Variants in DNAJA3 observed in about 807,000 individuals in gnomAD.
The protein encoded by DNAJA3 is DnaJ heat shock protein family (Hsp40) member A3.
A neutral mutation model predicts 54.9 loss-of-function variants in DNAJA3; 29 were observed. The observed-to-expected ratio is 0.53, with a 90% CI of 0.39 to 0.72. DNAJA3 has a LOEUF of 0.72. Ranked by LOEUF, DNAJA3 falls within the 30% of genes least tolerant of loss-of-function variation. DNAJA3 has a pLI of 0.00. For missense variants in DNAJA3, 708 were observed against 639.4 expected, an observed-to-expected ratio of 1.11 and a Z score of -1.16; for synonymous variants, 302 against 251.4, an observed-to-expected ratio of 1.20 and a Z score of -1.90.
chr16:4,440,531 C>CAGTG (rs2056825598), intron 3 of DNAJA3: 1 of 150,342 alleles, frequency 6.7e-6, no homozygotes, highest in African/African-American at 2.5e-5. Context: ...GCAGAGGTTG[C>CAGTG]AGTGAGCCGA....
chr16:4,433,018 C>A (rs1228415392), intron 1 of DNAJA3, among the ~76,000 whole-genome samples: 2 of 147,930 alleles, frequency 1.4e-5, no homozygotes, highest in Middle Eastern at 3.9e-3. Flanking sequence ...GGCAGGCGCC[C>A]GTAGTCCCAG....
intron 1 of DNAJA3, among the ~76,000 whole-genome samples, chr16:4,431,426 C>G (rs1011536756): frequency 6.6e-6 from 1 of 152,298 alleles, no homozygotes; most frequent in East Asian, 1.9e-4. Flanking sequence ...GGATTTATTT[C>G]CTATTTCTAA....
At position 4,441,264 on chromosome 16, in the gene DNAJA3, C is replaced by T. The variant is rs535046017; in HGVS notation, c.430-111C>T. ...CCCAACCTCATAGGATGTGTTTGCACACAGGGCCACTTAATAAATGTTATG... is the reference window on the plus strand; with the variant it reads ...CCCAACCTCATAGGATGTGTTTGCATACAGGGCCACTTAATAAATGTTATG... On this transcript the variant is annotated intron_variant, in intron 3 of 11. Transcript: ENST00000262375. 8.6e-5 allele frequency: 87 copies of T among 1,017,136 alleles called. No homozygotes were observed. The African/African-American group carries it at 1.4e-3, about 16-fold the overall frequency. 63.0% of individuals were successfully genotyped at this position (1,017,136 alleles called of 1,614,324 possible). A position where few individuals can be genotyped will look rare whatever the true frequency, so the allele number is the denominator to read the frequency against.
intron 4 of DNAJA3, 76 bp from the exon 5 acceptor site, chr16:4,442,192 C>T (rs1174901883): frequency 5.5e-6 from 8 of 1,462,972 alleles, no homozygotes; most frequent in Admixed American, 2.2e-5. Flanking sequence ...CCAGTACCCT[C>T]CTTTCCCTTT....
chr16:4,446,227 T>A (rs939571558), intron 7 of DNAJA3, among the ~76,000 whole-genome samples: 9 of 150,444 alleles, frequency 6.0e-5, no homozygotes, highest in African/African-American at 2.2e-4. Flanking sequence ...GGCCTATACT[T>A]TCTAATAAAG....
At chr16:4,441,335 G>T (rs1420899879) in intron 3 of DNAJA3, 40 bp from the exon 4 acceptor site, 1 of 1,573,960 alleles carries the variant, frequency 6.4e-7, no homozygotes, top group Admixed American at 1.8e-5. Context: ...CTGGGCCTTG[G>T]TAGACCTGGG....
At chr16:4,439,551 G>T (rs1458097957) in intron 3 of DNAJA3, among the ~76,000 whole-genome samples, 2 of 152,152 alleles carry the variant, frequency 1.3e-5, no homozygotes, top group African/African-American at 4.8e-5. Context: ...GCGGGGGGGT[G>T]TTATTCTTGT....
chr16:4,438,360 A>G (rs2056797820), intron 3 of DNAJA3, among the ~76,000 whole-genome samples: 1 of 152,142 alleles, frequency 6.6e-6, no homozygotes, highest in African/African-American at 2.4e-5. Context: ...GTACTAATAA[A>G]GTTCCCCAGG....
At chr16:4,434,610 T>C in intron 2 of DNAJA3, 93 bp downstream of exon 2, 1 of 1,455,548 alleles carries the variant, frequency 6.9e-7, no homozygotes, top group South Asian at 1.3e-5. Flanking sequence ...TGTGCCCATA[T>C]GAATAGGTCT....
chr16:4,433,207 G>A (rs994015029), intron 1 of DNAJA3: 1 of 152,214 alleles, frequency 6.6e-6, no homozygotes, highest in Non-Finnish European at 1.5e-5. Context: ...TGTTTCTTAA[G>A]CAGTTGGTGT....
intron 6 of DNAJA3, 103 bp from the exon 7 acceptor site, chr16:4,444,561 C>T: frequency 1.0e-6 from 1 of 966,180 alleles, no homozygotes; most frequent in Non-Finnish European, 1.6e-6. Flanking sequence ...GTCTCGATCT[C>T]TTGACGTCAT....
intron 11 of DNAJA3, 21 bp from the exon 12 acceptor site, chr16:4,455,525 C>T (rs1249992963): frequency 1.3e-6 from 2 of 1,551,568 alleles, no homozygotes; most frequent in East Asian, 2.4e-5. Context: ...TATAAGGTAA[C>T]AGCCTATCTC....
chr16:4,445,206 A>G (rs939941342), intron 7 of DNAJA3, among the ~76,000 whole-genome samples: 4 of 152,226 alleles, frequency 2.6e-5, no homozygotes, highest in Admixed American at 6.5e-5. Flanking sequence ...AGTCCTGTCC[A>G]TGGTAGCAAG....
chr16:4,450,145 C>A (rs913507226), intron 9 of DNAJA3: 5 of 429,468 alleles, frequency 1.2e-5, no homozygotes, highest in African/African-American at 1.0e-4. Context: ...GTTTCCCCTC[C>A]TGTAAACTGT....
intron 1 of DNAJA3, chr16:4,427,385 C>T (rs1483892752): frequency 6.6e-6 from 1 of 152,160 alleles, no homozygotes; most frequent in Non-Finnish European, 1.5e-5. Flanking sequence ...AACTAACTTC[C>T]TGTTGCAATC....
intron 1 of DNAJA3, among the ~76,000 whole-genome samples, chr16:4,432,337 T>G (rs2056714353): frequency 7.0e-6 from 1 of 143,354 alleles, no homozygotes; most frequent in African/African-American, 2.6e-5. Context: ...TTTTCTTTCT[T>G]TTTTTTTTTC....
chr16:4,455,437 C>T (rs545135289), intron 11 of DNAJA3, 109 bp from the exon 12 acceptor site: 21 of 1,338,730 alleles, frequency 1.6e-5, no homozygotes, highest in Middle Eastern at 1.8e-4. Flanking sequence ...GTGGGGTTCT[C>T]GCCCCTCTCT....
chr16:4,455,699 C>T lies in DNAJA3; in HGVS notation c.*167C>T. The T allele has an allele frequency of 9.7e-7, 1 of 1,035,504 alleles. No individual in the cohort carries two copies. The highest frequency in any genetic ancestry group is 2.2e-5 in the Admixed American group (1 of 46,470). 64.1% of individuals were successfully genotyped at this position (1,035,504 alleles called of 1,614,324 possible). On this transcript the variant is annotated 3_prime_UTR_variant, in exon 12 of 12. Coordinates refer to ENST00000262375, the MANE Select transcript of DNAJA3 (RefSeq NM_005147.6). ...CAACAGCAAAATCATGGGACAACAC[C>T]TCTCTCCACGGAAAGGTCACAGTGG...
chr16:4,443,483 C>T (rs112005917), intron 6 of DNAJA3, among the ~76,000 whole-genome samples: 136 of 152,310 alleles, frequency 8.9e-4, no homozygotes, highest in African/African-American at 3.2e-3. Flanking sequence ...CTCCTCTCTC[C>T]CCTGTCTTAG....
Sources: gnomAD v4.1 joint callset for allele counts (sites outside exome capture counted in the v4.1 genomes callset) on GRCh38, gnomAD v4.1.1 for gene constraint, MANE v1.5 for transcripts, NCBI Gene and HGNC (gene_info 2026-07-23, HGNC 2026-07-21) for gene names.